The following ADGRL2 variants were observed in gnomAD, a reference collection of about 807,000 sequenced individuals.
ADGRL2 encodes the protein calcium-independent alpha-latrotoxin receptor 2.
In ADGRL2, 44 loss-of-function variants were observed where a neutral mutation model predicts 157.4. The observed-to-expected ratio is 0.28, with a 90% CI of 0.22 to 0.36. The LOEUF is 0.36. Ranked by LOEUF, ADGRL2 falls within the 10% of genes least tolerant of loss-of-function variation. The probability of loss-of-function intolerance (pLI) is 1.00; values close to 1 mark genes in which losing one functional copy is unlikely to be tolerated. For missense variants in ADGRL2, 1,510 were observed against 1,768.9 expected, an observed-to-expected ratio of 0.85 and a Z score of 2.63; for synonymous variants, 585 against 624.7, an observed-to-expected ratio of 0.94 and a Z score of 0.95.
At chr1:81,821,901 T>G (rs1378630448) in intron 1 of ADGRL2, among the ~76,000 whole-genome samples, 1 of 152,204 alleles carries the variant, frequency 6.6e-6, no homozygotes, top group Non-Finnish European at 1.5e-5. Context: ...TTGCAAATGC[T>G]GATTTGAGGA....
At position 81,900,549 on chromosome 1, in the gene ADGRL2, G is replaced by A. The variant is rs546409643; in HGVS notation, c.74-6468G>A. On this transcript the variant is annotated intron_variant, in intron 2 of 23. Transcript: ENST00000686636. ...AACACTGTAGGGAAAAAAAAAAATG[G>A]GGAAAACCTGTAGCTCTGCTATCCT... is the stretch of plus-strand genomic sequence containing the variant. Among the ~76,000 whole-genome samples, 24 of 152,250 alleles carry A rather than the reference G, an allele frequency of 1.6e-4. No individual in the cohort carries two copies. The South Asian group carries it at 3.7e-3, about 24-fold the overall frequency.
intron 1 of ADGRL2, among the ~76,000 whole-genome samples, chr1:81,349,643 CACACA>C (rs1662735811): frequency 6.8e-6 from 1 of 147,780 alleles, no homozygotes; most frequent in African/African-American, 2.5e-5. Flanking sequence ...CACACACACA[CACACA>C]CACACACACA....
intron 1 of ADGRL2, among the ~76,000 whole-genome samples, chr1:81,353,191 T>G (rs1663038051): frequency 2.0e-5 from 3 of 149,626 alleles, no homozygotes; most frequent in East Asian, 3.9e-4. Flanking sequence ...TGTAGGCACT[T>G]CCCATACTGC....
Position 81,992,603 on chromosome 1 carries a change from C to T in ADGRL2, c.*1458C>T, listed in dbSNP as rs1372166051. Among the ~76,000 whole-genome samples, 2 of 152,040 alleles carry T rather than the reference C, an allele frequency of 1.3e-5. No individual in the cohort carries two copies. The highest frequency in any genetic ancestry group is 6.6e-5 in the Admixed American group (1 of 15,262). Reference sequence around the variant, plus strand: ...GTCTTCCAATTGCCCACTACATATGCACAAAATCTGCTGGATAAGTTTTAA... The same window carrying T: ...GTCTTCCAATTGCCCACTACATATGTACAAAATCTGCTGGATAAGTTTTAA... On this transcript the variant is annotated 3_prime_UTR_variant, in exon 24 of 24. Coordinates refer to ENST00000686636, the MANE Select transcript of ADGRL2 (RefSeq NM_001366006.2).
chr1:81,601,898 G>C (rs1228833310), intron 3 of ADGRL2, among the ~76,000 whole-genome samples: 1 of 152,150 alleles, frequency 6.6e-6, no homozygotes, highest in Non-Finnish European at 1.5e-5. Flanking sequence ...AGAAGAAAGA[G>C]GCAGAATGAA....
intron 1 of ADGRL2, among the ~76,000 whole-genome samples, chr1:81,329,156 T>A (rs1292007983): frequency 6.6e-6 from 1 of 152,068 alleles, no homozygotes; most frequent in Non-Finnish European, 1.5e-5. Context: ...ATAGCCTCTA[T>A]TTTTTGTGAG....
chr1:81,387,834 C>T (rs1001125583), intron 1 of ADGRL2, among the ~76,000 whole-genome samples: 1 of 152,036 alleles, frequency 6.6e-6, no homozygotes, highest in African/African-American at 2.4e-5. Flanking sequence ...CCAGTAATAC[C>T]TCTGTCTAAT....
At chr1:81,636,067 A>G (rs551532822) in intron 3 of ADGRL2, among the ~76,000 whole-genome samples, 1 of 152,284 alleles carries the variant, frequency 6.6e-6, no homozygotes, top group African/African-American at 2.4e-5. Context: ...CTAAAACAGT[A>G]TCCAGACTAG....
At chr1:81,462,316 T>A (rs1394944249) in intron 2 of ADGRL2, among the ~76,000 whole-genome samples, 2 of 152,228 alleles carry the variant, frequency 1.3e-5, no homozygotes, top group Non-Finnish European at 2.9e-5. Flanking sequence ...GCTGCCCTTC[T>A]ATGTTGTGGA....
At chr1:81,690,147 A>G (rs2083303284) in intron 3 of ADGRL2, among the ~76,000 whole-genome samples, 1 of 152,198 alleles carries the variant, frequency 6.6e-6, no homozygotes, top group Admixed American at 6.5e-5. Flanking sequence ...TCAACAGCAG[A>G]TGACATCGAT....
chr1:81,400,987 T>C (rs2076743733), intron 1 of ADGRL2, among the ~76,000 whole-genome samples: 2 of 152,174 alleles, frequency 1.3e-5, no homozygotes, highest in African/African-American at 4.8e-5. Flanking sequence ...GGGAACAATG[T>C]GCCTTCTTCA....
chr1:81,450,355 C>A (rs2077680885), intron 2 of ADGRL2, among the ~76,000 whole-genome samples: 1 of 152,122 alleles, frequency 6.6e-6, no homozygotes, highest in Non-Finnish European at 1.5e-5. Context: ...TATTGTGTAC[C>A]TGCCATCCTG....
chr1:81,428,142 AC>A (rs2077252219), intron 1 of ADGRL2, among the ~76,000 whole-genome samples: 1 of 152,168 alleles, frequency 6.6e-6, no homozygotes, highest in Non-Finnish European at 1.5e-5. Flanking sequence ...ACATTTGCTG[AC>A]TTGCAATGTA....
At chr1:81,811,660 C>T (rs913876453) in intron 1 of ADGRL2, among the ~76,000 whole-genome samples, 1 of 151,516 alleles carries the variant, frequency 6.6e-6, no homozygotes, top group African/African-American at 2.4e-5. Flanking sequence ...TTTTGCAACC[C>T]AGATCAGTTT....
chr1:81,363,476 A>G (rs10874223), intron 1 of ADGRL2, among the ~76,000 whole-genome samples: 101,949 of 151,924 alleles, frequency 0.67, 35,542 homozygotes, highest in Middle Eastern at 0.79. Context: ...CTGTGGGACT[A>G]CAGGACTATC....
At chr1:81,464,552 T>C (rs2078012610) in intron 2 of ADGRL2, among the ~76,000 whole-genome samples, 1 of 152,176 alleles carries the variant, frequency 6.6e-6, no homozygotes, top group African/African-American at 2.4e-5. Context: ...CTGAATTCTT[T>C]CTCTGTTCTT....
chr1:81,823,611 G>A (rs1157166523), intron 1 of ADGRL2, among the ~76,000 whole-genome samples: 1 of 152,054 alleles, frequency 6.6e-6, no homozygotes, highest in Non-Finnish European at 1.5e-5. Flanking sequence ...GTTACATTGT[G>A]ATAGGGATGA....
intron 23 of ADGRL2, chr1:81,989,592 G>A (rs1044533192): frequency 1.4e-6 from 2 of 1,390,664 alleles, no homozygotes; most frequent in Admixed American, 3.4e-5. Context: ...TGACTAAGTT[G>A]CTGAGAAGCT....
chr1:81,560,899 C>T (rs2080425351), intron 2 of ADGRL2, among the ~76,000 whole-genome samples: 1 of 152,162 alleles, frequency 6.6e-6, no homozygotes, highest in South Asian at 2.1e-4. Context: ...TTGCTTCCTC[C>T]ATTCCAGTCA....
Sources: allele counts gnomAD v4.1 joint callset (sites outside exome capture counted in the v4.1 genomes callset), GRCh38; gene constraint gnomAD v4.1.1; transcripts MANE v1.5; gene names NCBI Gene and HGNC (gene_info 2026-07-23, HGNC 2026-07-21).